The following DOK6 variants were observed in gnomAD, a reference collection of about 807,000 sequenced individuals.
DOK6 encodes downstream of tyrosine kinase 6.
A neutral mutation model predicts 44.0 loss-of-function variants in DOK6; 22 were observed. The ratio of observed to expected loss-of-function variants is 0.50; its 90% CI spans 0.36 to 0.71. The LOEUF is 0.71. DOK6 is among the 30% of genes least tolerant of loss of function. The probability of loss-of-function intolerance (pLI) is 0.00; values close to 1 mark genes in which losing one functional copy is unlikely to be tolerated. For missense variants in DOK6, 340 were observed against 416.4 expected (o/e 0.82, Z 1.60); for synonymous variants, 166 against 145.5 (o/e 1.14, Z -1.01).
intron 7 of DOK6, among the ~76,000 whole-genome samples, chr18:69,835,188 C>T (rs1387037180): frequency 1.3e-5 from 2 of 152,090 alleles, no homozygotes; most frequent in East Asian, 3.9e-4. Context: ...CTGGGCCGGG[C>T]GCGGTGGCTC....
At chr18:69,535,504 C>A (rs962306036) in intron 1 of DOK6, among the ~76,000 whole-genome samples, 1 of 151,682 alleles carries the variant, frequency 6.6e-6, no homozygotes, top group Admixed American at 6.6e-5. Flanking sequence ...ACCTTTTCAA[C>A]CCCTAGATTT....
intron 1 of DOK6, among the ~76,000 whole-genome samples, chr18:69,457,224 A>C (rs1319900242): frequency 6.6e-6 from 1 of 152,204 alleles, no homozygotes; most frequent in East Asian, 1.9e-4. Flanking sequence ...TTCTTTGCCA[A>C]GACCAACATT....
At chr18:69,512,332 C>CTTCTTCTTTTTTTTTTTTTTTTTTTTTTT (rs59109570) in intron 1 of DOK6, among the ~76,000 whole-genome samples, 1 of 91,680 alleles carries the variant, frequency 1.1e-5, no homozygotes, top group African/African-American at 4.7e-5. Flanking sequence ...CTTTCTTCTT[C>CTTCTTCTTTTTTTTTTTTTTTTTTTTTTT]TTTTTTTTTT....
chr18:69,659,592 A>G (rs1387136561), intron 3 of DOK6, among the ~76,000 whole-genome samples: 1 of 152,100 alleles, frequency 6.6e-6, no homozygotes, highest in Admixed American at 6.6e-5. Flanking sequence ...AGGTCGTTAA[A>G]TGCAGTAACT....
intron 3 of DOK6, among the ~76,000 whole-genome samples, chr18:69,631,796 CAA>C (rs564778788): frequency 1.2e-4 from 19 of 152,314 alleles, no homozygotes; most frequent in African/African-American, 4.6e-4. Context: ...ATCCATTAGA[CAA>C]AGTGTCCGAA....
intron 2 of DOK6, among the ~76,000 whole-genome samples, chr18:69,567,587 A>G (rs1375399939): frequency 6.6e-6 from 1 of 152,204 alleles, no homozygotes; most frequent in African/African-American, 2.4e-5. Flanking sequence ...ACTACAAGTG[A>G]TGAGAGTCAA....
intron 7 of DOK6, among the ~76,000 whole-genome samples, chr18:69,784,609 T>G (rs1980376533): frequency 6.6e-6 from 1 of 152,154 alleles, no homozygotes; most frequent in South Asian, 2.1e-4. Context: ...CATCACTTTA[T>G]GTTGGATTAC....
intron 7 of DOK6, among the ~76,000 whole-genome samples, chr18:69,767,278 T>A (rs886435752): frequency 3.3e-5 from 5 of 152,164 alleles, no homozygotes; most frequent in Non-Finnish European, 7.4e-5. Flanking sequence ...TTCTAGTTTT[T>A]AAGGTTTTAG....
chr18:69,653,492 G>A (rs1235486069), intron 3 of DOK6, among the ~76,000 whole-genome samples: 14 of 152,192 alleles, frequency 9.2e-5, no homozygotes, highest in Middle Eastern at 3.4e-3. Context: ...GCTGAAGGTG[G>A]TGGCTAAGAG....
At chr18:69,827,847 C>T (rs1981785428) in intron 7 of DOK6, among the ~76,000 whole-genome samples, 1 of 151,952 alleles carries the variant, frequency 6.6e-6, no homozygotes, top group South Asian at 2.1e-4. Context: ...GTCTCATTCT[C>T]ATGAAAATGT....
chr18:69,689,723 T>C (rs1162600771), intron 4 of DOK6, among the ~76,000 whole-genome samples: 1 of 152,130 alleles, frequency 6.6e-6, no homozygotes, highest in Non-Finnish European at 1.5e-5. Flanking sequence ...TACAGTAAAC[T>C]CTATGAACCA....
intron 4 of DOK6, among the ~76,000 whole-genome samples, chr18:69,686,793 CAT>C (rs1028884758): frequency 1.3e-5 from 2 of 151,980 alleles, no homozygotes; most frequent in African/African-American, 2.4e-5. Context: ...TTTATTTAAA[CAT>C]AGTTTTTCTT....
intron 3 of DOK6, among the ~76,000 whole-genome samples, chr18:69,635,672 T>C (rs1358034820): frequency 6.8e-6 from 1 of 146,448 alleles, no homozygotes; most frequent in African/African-American, 2.5e-5. Flanking sequence ...TACCAACACT[T>C]CCTCTTGTGG....
chr18:69,776,223 T>C (rs1180789249), intron 7 of DOK6, among the ~76,000 whole-genome samples: 2 of 152,022 alleles, frequency 1.3e-5, no homozygotes, highest in East Asian at 3.8e-4. Context: ...AGACTATACA[T>C]TGCTTTTAAA....
intron 1 of DOK6, among the ~76,000 whole-genome samples, chr18:69,487,735 A>G (rs566867729): frequency 4.5e-4 from 68 of 152,272 alleles, no homozygotes; most frequent in Middle Eastern, 3.4e-3. Context: ...CCAATTCTAG[A>G]GCGGGAGATC....
At chr18:69,571,020 CTT>C (rs1983102343) in intron 2 of DOK6, among the ~76,000 whole-genome samples, 2 of 151,856 alleles carry the variant, frequency 1.3e-5, no homozygotes, top group East Asian at 3.9e-4. Context: ...AAAATACTAA[CTT>C]TGTCATTATA....
chr18:69,599,344 A>G (rs780114794), intron 2 of DOK6, 40 bp from the exon 3 acceptor site: 112 of 1,431,124 alleles, frequency 7.8e-5, no homozygotes, highest in Non-Finnish European at 1.1e-4. Flanking sequence ...CATACAGCAT[A>G]CATACTGTAC....
chr18:69,681,500 T>C (rs894313170), intron 4 of DOK6, among the ~76,000 whole-genome samples: 2 of 152,178 alleles, frequency 1.3e-5, no homozygotes, highest in Non-Finnish European at 2.9e-5. Flanking sequence ...GAATCCCACA[T>C]GGTATGGGGA....
chr18:69,416,372 A>G (rs962743974), intron 1 of DOK6, among the ~76,000 whole-genome samples: 1 of 152,152 alleles, frequency 6.6e-6, no homozygotes, highest in Non-Finnish European at 1.5e-5. Context: ...TTTTGCATAC[A>G]ATTTAACCGA....
Sources: allele counts gnomAD v4.1 joint callset (sites outside exome capture counted in the v4.1 genomes callset), GRCh38; gene constraint gnomAD v4.1.1; transcripts MANE v1.5; gene names NCBI Gene and HGNC (gene_info 2026-07-23, HGNC 2026-07-21).